Variants in ZFHX4 observed in about 807,000 individuals in gnomAD.
The protein encoded by ZFHX4 is zinc finger homeobox 4.
A neutral mutation model predicts 267.6 loss-of-function variants in ZFHX4; 56 were observed. The observed-to-expected ratio is 0.21, with a 90% CI of 0.17 to 0.26. The LOEUF (loss-of-function observed/expected upper bound fraction) is 0.26, where lower values mean the gene tolerates loss of function less well. Ranked by LOEUF, ZFHX4 falls within the 10% of genes least tolerant of loss-of-function variation. The pLI is 1.00. For missense variants in ZFHX4, 4,332 were observed against 4,420.0 expected (o/e 0.98, Z 0.56); for synonymous variants, 1,778 against 1,665.6 (o/e 1.07, Z -1.64).
intron 3 of ZFHX4, among the ~76,000 whole-genome samples, chr8:76,747,470 T>C (rs1186905164): frequency 6.6e-6 from 1 of 152,174 alleles, no homozygotes; most frequent in Non-Finnish European, 1.5e-5. Flanking sequence ...GTTCCCCTCT[T>C]TGTGTCCACG....
intron 1 of ZFHX4, among the ~76,000 whole-genome samples, chr8:76,694,838 C>T (rs1304442978): frequency 6.6e-6 from 1 of 150,904 alleles, no homozygotes; most frequent in Non-Finnish European, 1.5e-5. Flanking sequence ...ATTACATGAA[C>T]CCAGAAGAGC....
intron 1 of ZFHX4, among the ~76,000 whole-genome samples, chr8:76,691,484 A>T (rs4735737): frequency 0.058 from 8,854 of 152,126 alleles, 524 homozygotes; most frequent in East Asian, 0.24. Context: ...AAAGAATAAC[A>T]CCTAGTTAAG....
chr8:76,767,151 A>C (rs893530453), intron 3 of ZFHX4, among the ~76,000 whole-genome samples: 2 of 152,046 alleles, frequency 1.3e-5, no homozygotes, highest in African/African-American at 4.8e-5. Context: ...CTAAGCTTGC[A>C]TTCCAGCTTT....
At position 76,715,404 on chromosome 8, in the gene ZFHX4, C is replaced by T. The variant is rs563837097; in HGVS notation, c.3093+7356C>T. Among the ~76,000 whole-genome samples the T allele has an allele frequency of 7.5e-5, 11 of 147,418 alleles. No homozygotes were observed. In the East Asian group the frequency reaches 2.0e-3, roughly 27 times the overall value. ...GGCTGAGGCAGGAGAATTTCTTGAA[C>T]CCAGGAGGTGGAGGTTGCAGTGAGC... On this transcript the variant is annotated intron_variant, in intron 3 of 10. Coordinates refer to ENST00000651372, the MANE Select transcript of ZFHX4 (RefSeq NM_024721.5).
In ZFHX4 at chr8:76,854,989, T is replaced by G. The variant is rs749030622; in HGVS notation, c.8068T>G (p.Leu2690Val). The change falls in exon 10 of 11, where the codon TTA becomes GTA. Residue 2690 changes from leucine to valine, a missense_variant. Transcript: ENST00000651372. ...CRALFKAKSA[L>V]ESHIRSRHWN... is the part of the protein sequence containing the mutation. ...AGCCCTGTTTAAAGCAAAGTCGGCC[T>G]TAGAAAGCCACATTCGCTCTCGGCA... 6.2e-7 allele frequency: 1 copy of G among 1,613,946 alleles called. No homozygotes were observed. Among genetic ancestry groups the G allele is most frequent in the Non-Finnish European group, 8.5e-7 (1 of 1,179,870 alleles).
Position 76,705,317 on chromosome 8 carries a change from G to A in ZFHX4, c.1229G>A (p.Gly410Glu). ...QMPKAEVNLG[G>E]LSSLVVNTPI... ...CCAAAGGCTGAAGTGAATCTGGGGGGGCTGTCTAGTTTAGTAGTGAACACC... is the reference window on the plus strand; with the variant it reads ...CCAAAGGCTGAAGTGAATCTGGGGGAGCTGTCTAGTTTAGTAGTGAACACC... The change falls in exon 2 of 11, where the codon GGG becomes GAG. Residue 410 changes from glycine to glutamate, a missense_variant. Around this residue, in one of 7 missense-constraint regions of ZFHX4, gnomAD observed 1,195 missense variants for 1,173.6 expected, o/e 1.02. Transcript: ENST00000651372. The A allele has an allele frequency of 1.9e-6, 3 of 1,613,970 alleles. No homozygotes were observed. The highest frequency in any genetic ancestry group is 2.5e-6 in the Non-Finnish European group (3 of 1,179,886).
chr8:76,864,459 G>C lies in ZFHX4; in HGVS notation c.10745G>C (p.Ser3582Thr). Residue 3582 changes from serine to threonine, a missense_variant, in exon 11 of 11, where the codon AGC (serine) becomes ACC (threonine). Around this residue, in one of 7 missense-constraint regions of ZFHX4, gnomAD observed 1,648 missense variants for 1,625.0 expected, o/e 1.01. Transcript: ENST00000651372. Reference protein sequence around the residue: ...SCSDESDSELSQKLEDLDNSL... With the variant: ...SCSDESDSELTQKLEDLDNSL... ...TCAGATGAGTCTGACAGTGAGCTGA[G>C]CCAGAAGCTAGAAGACTTAGATAAT... 2 of 1,613,714 alleles carry C rather than the reference G, an allele frequency of 1.2e-6. No individual in the cohort carries two copies. Among genetic ancestry groups the C allele is most frequent in the Non-Finnish European group, 1.7e-6 (2 of 1,179,834 alleles).
chr8:76,755,198 A>G (rs1005345190), intron 3 of ZFHX4, among the ~76,000 whole-genome samples: 11 of 152,040 alleles, frequency 7.2e-5, no homozygotes, highest in African/African-American at 2.4e-4. Context: ...TCTTTTTCTT[A>G]TTGATGTATT....
intron 3 of ZFHX4, among the ~76,000 whole-genome samples, chr8:76,758,820 C>G (rs576362361): frequency 6.6e-6 from 1 of 152,200 alleles, no homozygotes; most frequent in East Asian, 1.9e-4. Context: ...ATTTTTATGA[C>G]TCCTGAGCTT....
At chr8:76,776,846 C>T (rs1320061416) in intron 3 of ZFHX4, among the ~76,000 whole-genome samples, 1 of 151,936 alleles carries the variant, frequency 6.6e-6, no homozygotes, top group African/African-American at 2.4e-5. Flanking sequence ...ATATATGGGT[C>T]CTGTCTTTTG....
chr8:76,690,896 AT>A (rs1232883336), intron 1 of ZFHX4, among the ~76,000 whole-genome samples: 1 of 152,098 alleles, frequency 6.6e-6, no homozygotes, highest in Admixed American at 6.5e-5. Flanking sequence ...AGCAACTAGG[AT>A]GGTAAGGCAA....
At chr8:76,834,205 A>G (rs1341836762) in intron 5 of ZFHX4, 3 of 417,812 alleles carry the variant, frequency 7.2e-6, no homozygotes, top group African/African-American at 2.1e-5. Context: ...ATCGGTGTCC[A>G]GGCTTTTGTG....
At chr8:76,839,364 A>G (rs1400898233) in intron 5 of ZFHX4, among the ~76,000 whole-genome samples, 3 of 152,192 alleles carry the variant, frequency 2.0e-5, no homozygotes, top group East Asian at 3.9e-4. Context: ...TAACATTTCT[A>G]TAAGACTACA....
chr8:76,723,434 G>A (rs557554602), intron 3 of ZFHX4, among the ~76,000 whole-genome samples: 9 of 151,886 alleles, frequency 5.9e-5, no homozygotes, highest in Admixed American at 3.3e-4. Context: ...CATATGTCAG[G>A]TTGCTTGTTT....
rs1283611063 is a variant in ZFHX4 at position 76,706,624 on chromosome 8, A to T, written c.2536A>T (p.Ile846Phe). Residue 846 changes from isoleucine to phenylalanine, a missense_variant, in exon 2 of 11, where the codon ATC becomes TTC. Ile to Phe is a conservative substitution (Grantham distance 21, BLOSUM62 0). Around this residue, in one of 7 missense-constraint regions of ZFHX4, gnomAD observed 1,195 missense variants for 1,173.6 expected, o/e 1.02. Coordinates refer to ENST00000651372, the MANE Select transcript of ZFHX4 (RefSeq NM_024721.5). ...AAACCCTGCCGACCCTCAGCTGATG[A>T]TCAATCCATTCCAGCTGGATCCAGC... ...LENPADPQLM[I>F]NPFQLDPATA... is the part of the protein sequence containing the mutation. 1.4e-5 allele frequency: 22 copies of T among 1,607,700 alleles called. No homozygotes were observed. The Admixed American group carries it at 3.7e-4, about 27-fold the overall frequency.
chr8:76,828,032 A>G (rs532624709), intron 4 of ZFHX4, among the ~76,000 whole-genome samples: 1 of 152,344 alleles, frequency 6.6e-6, no homozygotes, highest in African/African-American at 2.4e-5. Flanking sequence ...TCAGCTTTTT[A>G]GAAGAGCAGT....
At position 76,855,164 on chromosome 8, in the gene ZFHX4, T is replaced by C. The variant is rs1282492021; in HGVS notation, c.8243T>C (p.Leu2748Ser). The C allele has an allele frequency of 6.2e-7, 1 of 1,613,562 alleles. No individual in the cohort carries two copies. Among genetic ancestry groups the C allele is most frequent in the Non-Finnish European group, 8.5e-7 (1 of 1,179,774 alleles). Reference protein sequence around the residue: ...TKIDLSSENELASTVSTPVSK... With the variant: ...TKIDLSSENESASTVSTPVSK... ...ATTGATCTATCAAGTGAGAATGAAT[T>C]GGCTTCTACAGTGTCAACACCTGTT... is the stretch of plus-strand genomic sequence containing the variant. Residue 2748 changes from leucine to serine, a missense_variant, in exon 10 of 11, where the codon TTG becomes TCG. By Grantham distance (145) the Leu-to-Ser change is moderately radical. Coordinates refer to ENST00000651372, the MANE Select transcript of ZFHX4 (RefSeq NM_024721.5).
intron 3 of ZFHX4, among the ~76,000 whole-genome samples, chr8:76,761,366 T>G (rs1809907787): frequency 6.6e-6 from 1 of 152,228 alleles, no homozygotes; most frequent in African/African-American, 2.4e-5. Flanking sequence ...AAACTGTGTT[T>G]ATTTATCCTT....
chr8:76,685,506 C>A (rs1315195860), intron 1 of ZFHX4, among the ~76,000 whole-genome samples: 2 of 151,882 alleles, frequency 1.3e-5, no homozygotes, highest in East Asian at 1.9e-4. Flanking sequence ...GTGTAAAGCC[C>A]GTGTTCGATT....
Sources: gnomAD v4.1 joint callset for allele counts (sites outside exome capture counted in the v4.1 genomes callset) on GRCh38, gnomAD v4.1.1 for gene constraint, gnomAD v4.1.1 regional missense constraint, MANE v1.5 for transcripts, NCBI Gene and HGNC (gene_info 2026-07-23, HGNC 2026-07-21) for gene names.